Variants in POLH observed in about 807,000 individuals in gnomAD.
The protein encoded by POLH is DNA polymerase eta.
Under a neutral mutation model 73.6 loss-of-function variants are expected in POLH, and 53 were observed. The observed-to-expected ratio is 0.72, with a 90% CI of 0.58 to 0.91. The LOEUF (loss-of-function observed/expected upper bound fraction) is 0.91. Among genes scored for constraint, POLH ranks in the 40% least tolerant of loss-of-function variants. The pLI is 0.00. For synonymous variants in POLH, 292 were observed against 308.5 expected (o/e 0.95, Z 0.56); for missense variants, 768 against 865.4 (o/e 0.89, Z 1.41).
At chr6:43,601,927 G>A (rs958623074) in intron 6 of POLH, among the ~76,000 whole-genome samples, 5 of 152,058 alleles carry the variant, frequency 3.3e-5, no homozygotes, top group African/African-American at 7.2e-5. Flanking sequence ...GCGTGGTGGC[G>A]GGTGCCTGTA....
chr6:43,591,825 T>C (rs1265158227), intron 4 of POLH, among the ~76,000 whole-genome samples: 1 of 152,212 alleles, frequency 6.6e-6, no homozygotes, highest in Non-Finnish European at 1.5e-5. Context: ...GAAATCCACA[T>C]ACCTCAGAAT....
In POLH at chr6:43,599,240, C is replaced by T. The variant is rs181216459; in HGVS notation, c.660+1375C>T. Among the ~76,000 whole-genome samples, 342 of 152,102 alleles carry T rather than the reference C, an allele frequency of 2.2e-3. 5 individuals are homozygous for T. Among genetic ancestry groups the T allele is most frequent in the Non-Finnish European group, 5.9e-4 (40 of 67,986 alleles). On this transcript the variant is annotated intron_variant, in intron 5 of 10. Coordinates refer to ENST00000372236, the MANE Select transcript of POLH (RefSeq NM_006502.3). ...CTGACCTCAAGTGATTCACCCACCT[C>T]GGCCTCCCAAAGTGCTGGGATTACA...
intron 5 of POLH, among the ~76,000 whole-genome samples, chr6:43,600,504 T>C (rs1766614222): frequency 6.6e-6 from 1 of 152,208 alleles, no homozygotes; most frequent in Non-Finnish European, 1.5e-5. Context: ...GAGGGTGGTT[T>C]TGAGCCCAAT....
intron 4 of POLH, among the ~76,000 whole-genome samples, chr6:43,593,896 A>AAAAAAG (rs1554139794): frequency 2.1e-5 from 3 of 146,086 alleles, no homozygotes; most frequent in African/African-American, 7.7e-5. Flanking sequence ...AAAAAAAAAA[A>AAAAAAG]AAAGAAAGAA....
At chr6:43,597,255 A>G (rs1766178288) in intron 4 of POLH, among the ~76,000 whole-genome samples, 1 of 152,064 alleles carries the variant, frequency 6.6e-6, no homozygotes, top group South Asian at 2.1e-4. Flanking sequence ...AGCTGTGGTT[A>G]CAGGCCTGCA....
chr6:43,605,287 C>G lies in POLH; in HGVS notation c.1042C>G (p.Leu348Val), dbSNP rs541116563. 6.3e-7 allele frequency: 1 copy of G among 1,597,768 alleles called. No homozygotes were observed. The highest frequency in any genetic ancestry group is 1.1e-5 in the South Asian group (1 of 90,592). ...QWWLLQLAQE[L>V]EERLTKDRND... The stretch of plus-strand genomic sequence containing the variant: ...GTGGCTGTTGCAATTAGCCCAGGAA[C>G]TAGAGGAGAGACTGACTAAAGACCG... Residue 348 changes from leucine to valine, a missense_variant, in exon 9 of 11, where the codon CTA becomes GTA. Coordinates refer to ENST00000372236, the MANE Select transcript of POLH (RefSeq NM_006502.3).
intron 1 of POLH, among the ~76,000 whole-genome samples, chr6:43,578,789 T>G (rs1763686197): frequency 6.6e-6 from 1 of 152,218 alleles, no homozygotes; most frequent in South Asian, 2.1e-4. Context: ...TATTTTCTCC[T>G]TCTCTTTTCT....
At chr6:43,611,652 G>C (rs903027278) in intron 10 of POLH, among the ~76,000 whole-genome samples, 3 of 152,032 alleles carry the variant, frequency 2.0e-5, no homozygotes, top group Non-Finnish European at 4.4e-5. Context: ...GATGTATATT[G>C]AATATTATAC....
chr6:43,615,703 T>C lies in POLH; in HGVS notation c.*1146T>C, dbSNP rs1214971047. On this transcript the variant is annotated 3_prime_UTR_variant, in exon 11 of 11. Coordinates refer to ENST00000372236, the MANE Select transcript of POLH (RefSeq NM_006502.3). ...TATTTTTTATTTTTGAGACGGAGTCTCCCTCTGTCGTCAGGCTAGAATGCA... is the reference window on the plus strand; with the variant it reads ...TATTTTTTATTTTTGAGACGGAGTCCCCCTCTGTCGTCAGGCTAGAATGCA... 6.6e-6 allele frequency: 1 copy of C among 151,854 alleles called. No individual in the cohort carries two copies. The highest frequency in any genetic ancestry group is 1.5e-5 in the Non-Finnish European group (1 of 67,964). The allele number at this position is 151,854 out of a possible 1,614,324, so 9.4% of individuals were successfully genotyped here.
At chr6:43,577,435 C>T (rs1763489627) in intron 1 of POLH, among the ~76,000 whole-genome samples, 1 of 152,170 alleles carries the variant, frequency 6.6e-6, no homozygotes, top group Non-Finnish European at 1.5e-5. Context: ...TGAAAAGCCA[C>T]TTCAAAGTAG....
At chr6:43,579,961 G>A (rs1224286261) in intron 1 of POLH, among the ~76,000 whole-genome samples, 2 of 146,006 alleles carry the variant, frequency 1.4e-5, no homozygotes, top group Non-Finnish European at 3.0e-5. Flanking sequence ...TCACAGAGGG[G>A]GATTTGGCAG....
intron 3 of POLH, among the ~76,000 whole-genome samples, chr6:43,587,026 T>C (rs986195142): frequency 2.6e-5 from 4 of 152,232 alleles, no homozygotes; most frequent in Non-Finnish European, 5.9e-5. Context: ...CTGAATGCTT[T>C]CTGCCTTGGT....
chr6:43,603,846 A>T, intron 6 of POLH, 46 bp from the exon 7 acceptor site: 1 of 1,604,244 alleles, frequency 6.2e-7, no homozygotes. Flanking sequence ...TGCTAATTAG[A>T]TAGTTATGAT....
chr6:43,618,081 T>A lies in POLH; in HGVS notation c.*3524T>A, dbSNP rs1274056278. ...TTACTGGCTTGTTCATCTTTCCCAC[T>A]GAGTGTAAATATTTAGCTTAGGGTT... On this transcript the variant is annotated 3_prime_UTR_variant, in exon 11 of 11. Transcript: ENST00000372236. Among the ~76,000 whole-genome samples the A allele has an allele frequency of 1.3e-5, 2 of 152,212 alleles. No individual in the cohort carries two copies. The highest frequency in any genetic ancestry group is 2.9e-5 in the Non-Finnish European group (2 of 68,032).
rs574164094 is a variant in POLH at position 43,578,751 on chromosome 6, T to G, written c.-5+2311T>G. ...GTATTTCAGAGTAAAAGGTTGACAT[T>G]TTTCATGAATGCTATGATGTTATAT... is the stretch of plus-strand genomic sequence containing the variant. On this transcript the variant is annotated intron_variant, in intron 1 of 10. Transcript: ENST00000372236. Among the ~76,000 whole-genome samples, 7 of 152,248 alleles carry G rather than the reference T, an allele frequency of 4.6e-5. No homozygotes were observed. The South Asian group carries it at 1.2e-3, about 27-fold the overall frequency.
chr6:43,593,387 A>G (rs1240520642), intron 4 of POLH, among the ~76,000 whole-genome samples: 1 of 152,200 alleles, frequency 6.6e-6, no homozygotes, highest in African/African-American at 2.4e-5. Context: ...AACAACTTTG[A>G]AAAAGAACTA....
chr6:43,601,311 G>A lies in POLH; in HGVS notation c.764+220G>A, dbSNP rs182394982. Among the ~76,000 whole-genome samples the A allele has an allele frequency of 2.9e-4, 44 of 151,866 alleles. 1 individual carries two copies. The East Asian group carries it at 6.4e-3, about 22-fold the overall frequency. ...ACAGAGTTTCACTCTTGTTGCCCAC[G>A]CTAGAGTGCAATGGCACGGTGTCAG... On this transcript the variant is annotated intron_variant, in intron 6 of 10. Transcript: ENST00000372236.
intron 1 of POLH, among the ~76,000 whole-genome samples, chr6:43,577,052 GCCTGTAATCC>G (rs1554137706): frequency 1.3e-5 from 2 of 152,138 alleles, no homozygotes; most frequent in Non-Finnish European, 2.9e-5. Context: ...GGCGGTGCGC[GCCTGTAATCC>G]CAGCTACTCG....
chr6:43,588,015 A>C (rs1765018386), intron 4 of POLH, among the ~76,000 whole-genome samples: 1 of 152,246 alleles, frequency 6.6e-6, no homozygotes, highest in Non-Finnish European at 1.5e-5. Context: ...CCTAGGCTAC[A>C]GAGGGAGACT....
Sources: allele counts gnomAD v4.1 joint callset (sites outside exome capture counted in the v4.1 genomes callset), GRCh38; gene constraint gnomAD v4.1.1; transcripts MANE v1.5; gene names NCBI Gene and HGNC (gene_info 2026-07-23, HGNC 2026-07-21).